Variants in NWD2 observed in about 807,000 individuals in gnomAD.
The protein encoded by NWD2 is NACHT and WD repeat domain containing 2, also known as NACHT and WD repeat domain-containing protein 2.
NWD2 carries 37 observed loss-of-function variants against 132.7 expected under a neutral mutation model. That is an observed-to-expected ratio of 0.28 (90% CI 0.21 to 0.37). The LOEUF (loss-of-function observed/expected upper bound fraction) is 0.37, where lower values mean the gene tolerates loss of function less well. Ranked by LOEUF, NWD2 falls within the 10% of genes least tolerant of loss-of-function variation. The probability of loss-of-function intolerance (pLI) is 1.00; values close to 1 mark genes in which losing one functional copy is unlikely to be tolerated. For missense variants in NWD2, 1,592 were observed against 2,122.4 expected, an observed-to-expected ratio of 0.75 and a Z score of 4.91; for synonymous variants, 705 against 803.0, an observed-to-expected ratio of 0.88 and a Z score of 2.06.
At chr4:37,258,178 G>A (rs111600449) in intron 1 of NWD2, among the ~76,000 whole-genome samples, 1,621 of 152,344 alleles carry the variant, frequency 0.011, 23 homozygotes, top group Middle Eastern at 0.044. Flanking sequence ...TACCACACTG[G>A]ATAAAAATGA....
At chr4:37,348,675 T>TATACACACACAC (rs1308407988) in intron 2 of NWD2, among the ~76,000 whole-genome samples, 5 of 22,570 alleles carry the variant, frequency 2.2e-4, no homozygotes, top group African/African-American at 7.2e-4. Context: ...TATATATATA[T>TATACACACACAC]ACACACACAC....
intron 2 of NWD2, among the ~76,000 whole-genome samples, chr4:37,336,326 C>A (rs1418758489): frequency 6.6e-6 from 1 of 152,166 alleles, no homozygotes; most frequent in Non-Finnish European, 1.5e-5. Context: ...AGGCATTTTA[C>A]ATTCTTGTTT....
At chr4:37,362,524 C>T (rs1401461708) in intron 3 of NWD2, among the ~76,000 whole-genome samples, 1 of 152,188 alleles carries the variant, frequency 6.6e-6, no homozygotes, top group Non-Finnish European at 1.5e-5. Flanking sequence ...TGCACACCTA[C>T]AGCCATCTGA....
At position 37,336,507 on chromosome 4, in the gene NWD2, TAATGG is replaced by T. The variant is rs575716537; in HGVS notation, c.240+10484_240+10488del. ...TCTGGGTGGGATCATCCTGATGGGA[TAATGG>T]CCTGACTGCCTGGTGACAGAAGTCC... On this transcript the variant is annotated intron_variant, in intron 2 of 6. Coordinates refer to ENST00000309447, the MANE Select transcript of NWD2 (RefSeq NM_001144990.2). Among the ~76,000 whole-genome samples, 302 of 152,320 alleles carry T rather than the reference TAATGG, an allele frequency of 2.0e-3. 1 individual carries two copies. The highest frequency in any genetic ancestry group is 3.4e-3 in the Middle Eastern group (1 of 294).
chr4:37,378,223 T>G (rs17576087), intron 3 of NWD2, among the ~76,000 whole-genome samples: 5 of 152,108 alleles, frequency 3.3e-5, no homozygotes, highest in Non-Finnish European at 5.9e-5. Context: ...CTTCACAAAA[T>G]ATTAACTGGC....
intron 3 of NWD2, among the ~76,000 whole-genome samples, chr4:37,367,008 A>G (rs1720116730): frequency 6.6e-6 from 1 of 152,194 alleles, no homozygotes; most frequent in African/African-American, 2.4e-5. Context: ...GCCACATTCA[A>G]TAACTGCAAA....
At chr4:37,245,632 A>T (rs1318922900) in intron 1 of NWD2, among the ~76,000 whole-genome samples, 1 of 150,768 alleles carries the variant, frequency 6.6e-6, no homozygotes, top group African/African-American at 2.4e-5. Flanking sequence ...CGGGTTCCTG[A>T]GTGCGGGGCT....
At chr4:37,406,293 A>G (rs2109317365) in intron 3 of NWD2, among the ~76,000 whole-genome samples, 1 of 152,326 alleles carries the variant, frequency 6.6e-6, no homozygotes, top group South Asian at 2.1e-4. Flanking sequence ...GGCCTGTCTC[A>G]GAATTTCTAA....
rs190596067 is a variant in NWD2 at position 37,252,049 on chromosome 4, G to A, written c.151+6831G>A. Among the ~76,000 whole-genome samples the A allele has an allele frequency of 6.4e-4, 98 of 152,320 alleles. 2 individuals are homozygous for A. The highest frequency in any genetic ancestry group is 2.2e-3 in the African/African-American group (92 of 41,564). ...GGAGGGTTATGTAAACCAACTCGAG[G>A]TGTGGAGGGGGTCAGAATGAGGGGT... On this transcript the variant is annotated intron_variant, in intron 1 of 6. Coordinates refer to ENST00000309447, the MANE Select transcript of NWD2 (RefSeq NM_001144990.2).
chr4:37,388,676 A>C (rs915368150), intron 3 of NWD2, among the ~76,000 whole-genome samples: 14 of 146,252 alleles, frequency 9.6e-5, no homozygotes, highest in African/African-American at 3.5e-4. Flanking sequence ...ATATAAATAT[A>C]TATCGTATAT....
chr4:37,326,059 C>T, intron 2 of NWD2, 35 bp downstream of exon 2: 1 of 1,279,840 alleles, frequency 7.8e-7, no homozygotes. Context: ...ACAGTTATGT[C>T]CAGTTAAATA....
At chr4:37,274,488 A>T (rs1717946316) in intron 1 of NWD2, among the ~76,000 whole-genome samples, 1 of 152,218 alleles carries the variant, frequency 6.6e-6, no homozygotes, top group South Asian at 2.1e-4. Context: ...TGACAGCCGA[A>T]TTCTACCAGC....
chr4:37,307,998 A>T (rs1052283006), intron 1 of NWD2, among the ~76,000 whole-genome samples: 12 of 152,088 alleles, frequency 7.9e-5, no homozygotes, highest in Non-Finnish European at 1.8e-4. Context: ...TCAGATTATG[A>T]ATTGTTTTTC....
At chr4:37,253,013 T>TAA in intron 1 of NWD2, among the ~76,000 whole-genome samples, 1 of 139,752 alleles carries the variant, frequency 7.2e-6, no homozygotes, top group Non-Finnish European at 1.6e-5. Flanking sequence ...CCCCCCCCCT[T>TAA]ATGTTTTGCA....
chr4:37,370,318 A>G (rs1023494808), intron 3 of NWD2, among the ~76,000 whole-genome samples: 1 of 152,214 alleles, frequency 6.6e-6, no homozygotes, highest in Non-Finnish European at 1.5e-5. Context: ...GTATTTAAGG[A>G]TTTCCAAACC....
intron 1 of NWD2, among the ~76,000 whole-genome samples, chr4:37,272,888 C>T (rs768139774): frequency 1.7e-4 from 26 of 151,658 alleles, no homozygotes; most frequent in Non-Finnish European, 3.2e-4. Context: ...TATGGCAGAG[C>T]ATATGTTATC....
intron 1 of NWD2, among the ~76,000 whole-genome samples, chr4:37,289,477 T>C (rs1718314882): frequency 6.6e-6 from 1 of 152,220 alleles, no homozygotes; most frequent in African/African-American, 2.4e-5. Context: ...GATTCTACAA[T>C]TAACATTTTA....
At chr4:37,394,810 T>TG (rs1553897371) in intron 3 of NWD2, among the ~76,000 whole-genome samples, 5 of 121,430 alleles carry the variant, frequency 4.1e-5, no homozygotes, top group African/African-American at 1.6e-4. Context: ...TTTTTTTTTT[T>TG]TTTTTTTTTT....
chr4:37,355,522 A>G (rs1719853946), intron 2 of NWD2, among the ~76,000 whole-genome samples: 1 of 152,160 alleles, frequency 6.6e-6, no homozygotes, highest in Admixed American at 6.5e-5. Flanking sequence ...GCAGGAGGAA[A>G]AGAGTAGGGA....
Sources: allele counts gnomAD v4.1 joint callset (sites outside exome capture counted in the v4.1 genomes callset), GRCh38; gene constraint gnomAD v4.1.1; transcripts MANE v1.5; gene names NCBI Gene and HGNC (gene_info 2026-07-23, HGNC 2026-07-21).